ROR1: variants seen among roughly 807,000 people sequenced by gnomAD.
ROR1 encodes the protein inactive tyrosine-protein kinase transmembrane receptor ROR1.
In ROR1, 19 loss-of-function variants were observed where a neutral mutation model predicts 78.8. The observed-to-expected ratio is 0.24, with a 90% CI of 0.17 to 0.35. The LOEUF (loss-of-function observed/expected upper bound fraction) is 0.35, where lower values mean the gene tolerates loss of function less well. ROR1 is among the 10% of genes least tolerant of loss of function. ROR1 has a pLI of 1.00. For missense variants in ROR1, 917 were observed against 1,177.8 expected (o/e 0.78, Z 3.24); for synonymous variants, 386 against 433.6 (o/e 0.89, Z 1.36).
intron 1 of ROR1, among the ~76,000 whole-genome samples, chr1:63,875,007 G>T (rs1048185161): frequency 1.3e-5 from 2 of 152,110 alleles, no homozygotes; most frequent in East Asian, 3.9e-4. Flanking sequence ...ACCAGCATTT[G>T]CTGGACCTTT....
intron 4 of ROR1, among the ~76,000 whole-genome samples, chr1:64,087,964 G>A (rs17126186): frequency 0.15 from 22,691 of 152,162 alleles, 1,779 homozygotes; most frequent in Middle Eastern, 0.2. Context: ...GCCTGTGGAT[G>A]CTTGTGTTTA....
intron 1 of ROR1, among the ~76,000 whole-genome samples, chr1:63,906,605 G>A (rs1236207644): frequency 6.6e-6 from 1 of 152,130 alleles, no homozygotes; most frequent in East Asian, 1.9e-4. Flanking sequence ...GCATCTGGGT[G>A]GGGTTTAACC....
At position 63,798,294 on chromosome 1, in the gene ROR1, A is replaced by G. The variant is rs566383622; in HGVS notation, c.91+23786A>G. ...CTCTGCAGGGAAATTGGAATTCTTG[A>G]TATTATTTTCAATAAGACGCCCCAC... On this transcript the variant is annotated intron_variant, in intron 1 of 8. Coordinates refer to ENST00000371079, the MANE Select transcript of ROR1 (RefSeq NM_005012.4). Among the ~76,000 whole-genome samples the G allele has an allele frequency of 2.9e-4, 44 of 152,228 alleles. No homozygotes were observed. The South Asian group carries it at 8.3e-3, about 29-fold the overall frequency.
chr1:64,091,324 CTTTCACA>C (rs1422951581), intron 4 of ROR1, among the ~76,000 whole-genome samples: 2 of 152,132 alleles, frequency 1.3e-5, no homozygotes, highest in Non-Finnish European at 2.9e-5. Flanking sequence ...TAACATGTTT[CTTTCACA>C]TTTCACATTA....
intron 4 of ROR1, among the ~76,000 whole-genome samples, chr1:64,072,538 A>T (rs1250336447): frequency 2.0e-5 from 3 of 152,220 alleles, no homozygotes; most frequent in Non-Finnish European, 4.4e-5. Flanking sequence ...AATGAAAAGC[A>T]GGATATTGTT....
At chr1:64,025,145 T>C (rs1292285640) in intron 2 of ROR1, among the ~76,000 whole-genome samples, 2 of 152,210 alleles carry the variant, frequency 1.3e-5, no homozygotes, top group African/African-American at 4.8e-5. Context: ...CTTTTCAGTC[T>C]GAATCAAATT....
intron 2 of ROR1, among the ~76,000 whole-genome samples, chr1:64,030,398 A>T (rs1279693516): frequency 1.3e-5 from 2 of 152,208 alleles, no homozygotes; most frequent in Non-Finnish European, 2.9e-5. Flanking sequence ...GGTGAAGGAA[A>T]CTAACACTCA....
chr1:64,009,407 G>A (rs746552151), intron 2 of ROR1, 31 bp downstream of exon 2: 5 of 1,526,924 alleles, frequency 3.3e-6, no homozygotes, highest in Non-Finnish European at 4.5e-6. Flanking sequence ...GGGGAGGCGA[G>A]GAAAGAGGTG....
chr1:63,939,928 C>G (rs898430538), intron 1 of ROR1, among the ~76,000 whole-genome samples: 7 of 152,124 alleles, frequency 4.6e-5, no homozygotes, highest in African/African-American at 1.4e-4. Context: ...ATAATTCATT[C>G]AACGGGTTTC....
At chr1:63,830,384 C>G (rs1345376085) in intron 1 of ROR1, among the ~76,000 whole-genome samples, 1 of 152,144 alleles carries the variant, frequency 6.6e-6, no homozygotes, top group African/African-American at 2.4e-5. Flanking sequence ...TTAATTGACT[C>G]AGACTTCTGC....
At chr1:63,886,255 G>C (rs754440517) in intron 1 of ROR1, among the ~76,000 whole-genome samples, 35 of 152,144 alleles carry the variant, frequency 2.3e-4, no homozygotes, top group Admixed American at 1.9e-3. Flanking sequence ...ACCTCCTGCT[G>C]TGCAACCCCG....
chr1:64,033,631 G>A (rs530958931), intron 2 of ROR1, among the ~76,000 whole-genome samples: 2 of 152,274 alleles, frequency 1.3e-5, no homozygotes, highest in African/African-American at 4.8e-5. Flanking sequence ...CCTGATTAAT[G>A]GAGGTTTTAC....
chr1:63,821,980 A>G (rs1644926490), intron 1 of ROR1, among the ~76,000 whole-genome samples: 1 of 152,234 alleles, frequency 6.6e-6, no homozygotes. Flanking sequence ...CAGCTTCATG[A>G]AAAGCCATAT....
chr1:63,782,295 A>G (rs1296134113), intron 1 of ROR1, among the ~76,000 whole-genome samples: 4 of 152,188 alleles, frequency 2.6e-5, no homozygotes, highest in Non-Finnish European at 5.9e-5. Flanking sequence ...GTGACTAAAT[A>G]CTAGCCAATT....
intron 1 of ROR1, among the ~76,000 whole-genome samples, chr1:63,925,751 T>A (rs1645697615): frequency 6.7e-6 from 1 of 150,274 alleles, no homozygotes; most frequent in South Asian, 2.1e-4. Context: ...GATTTGCATT[T>A]CTCTGATGGC....
In ROR1 at chr1:63,837,962, T is replaced by C. The variant is rs543348942; in HGVS notation, c.91+63454T>C. 4.6e-5 allele frequency among the ~76,000 whole-genome samples: 7 copies of C among 152,290 alleles called. 1 individual carries two copies. The highest frequency in any genetic ancestry group is 1.7e-4 in the African/African-American group (7 of 41,576). On this transcript the variant is annotated intron_variant, in intron 1 of 8. Transcript: ENST00000371079. ...CATATAAATGGTGGTCCAATAGGGT[T>C]ATAATGGAGCTGAAAAACTCCTAGA...
At chr1:64,023,521 T>G (rs1646582381) in intron 2 of ROR1, among the ~76,000 whole-genome samples, 2 of 151,962 alleles carry the variant, frequency 1.3e-5, no homozygotes, top group Admixed American at 1.3e-4. Context: ...TTAAATAATT[T>G]TCTTCCTTTA....
At chr1:63,918,493 C>A (rs1162262748) in intron 1 of ROR1, among the ~76,000 whole-genome samples, 1 of 152,140 alleles carries the variant, frequency 6.6e-6, no homozygotes, top group Non-Finnish European at 1.5e-5. Flanking sequence ...AAGAACGGGG[C>A]GTGGTACTCT....
At position 64,179,041 on chromosome 1, in the gene ROR1, A is replaced by C. The variant is rs566316515; in HGVS notation, c.*186A>C. On this transcript the variant is annotated 3_prime_UTR_variant, in exon 9 of 9. Coordinates refer to ENST00000371079, the MANE Select transcript of ROR1 (RefSeq NM_005012.4). ...CTCGGCCAGAAAAAAAAAAAAAAAA[A>C]AAAAACAAGCAAACAAAAACATTGT... The C allele has an allele frequency of 1.7e-4, 93 of 551,548 alleles. No homozygotes were observed. Among genetic ancestry groups the C allele is most frequent in the African/African-American group, 1.5e-3 (77 of 52,220 alleles). 34.2% of individuals were successfully genotyped at this position (551,548 alleles called of 1,614,324 possible).
Sources: gnomAD v4.1 joint callset for allele counts (sites outside exome capture counted in the v4.1 genomes callset) on GRCh38, gnomAD v4.1.1 for gene constraint, MANE v1.5 for transcripts, NCBI Gene and HGNC (gene_info 2026-07-23, HGNC 2026-07-21) for gene names.